SNTG1: variants seen among roughly 807,000 people sequenced by gnomAD.
SNTG1 encodes gamma-1-syntrophin.
SNTG1 carries 39 observed loss-of-function variants against 74.7 expected under a neutral mutation model. That is an observed-to-expected ratio of 0.52 (90% confidence interval 0.40 to 0.68). SNTG1 has a LOEUF of 0.68. SNTG1 is among the 30% of genes least tolerant of loss of function. The pLI, the probability that SNTG1 is intolerant of heterozygous loss-of-function variation, is 0.00. For synonymous variants in SNTG1, 254 were observed against 217.1 expected, an observed-to-expected ratio of 1.17 and a Z score of -1.49; for missense variants, 685 against 609.5, an observed-to-expected ratio of 1.12 and a Z score of -1.30.
chr8:50,656,433 G>A (rs963618423), intron 13 of SNTG1, among the ~76,000 whole-genome samples: 2 of 152,070 alleles, frequency 1.3e-5, no homozygotes, highest in East Asian at 1.9e-4. Context: ...CCCCTATCAG[G>A]CACAGAGGAG....
intron 8 of SNTG1, among the ~76,000 whole-genome samples, chr8:50,492,519 G>C (rs558946316): frequency 4.6e-5 from 7 of 152,106 alleles, no homozygotes; most frequent in African/African-American, 9.7e-5. Flanking sequence ...TCATATGTTT[G>C]TTGGCCACAT....
At chr8:50,729,547 G>C (rs779820819) in intron 17 of SNTG1, among the ~76,000 whole-genome samples, 1 of 152,072 alleles carries the variant, frequency 6.6e-6, no homozygotes, top group African/African-American at 2.4e-5. Context: ...CAGTGATGGG[G>C]GTCTCTTTTG....
intron 1 of SNTG1, among the ~76,000 whole-genome samples, chr8:49,999,461 T>C (rs1176261218): frequency 1.3e-5 from 2 of 152,170 alleles, no homozygotes; most frequent in South Asian, 4.1e-4. Flanking sequence ...GCCACAGTGA[T>C]CTTGTTATAA....
intron 13 of SNTG1, among the ~76,000 whole-genome samples, chr8:50,602,041 A>G (rs1340642637): frequency 6.6e-6 from 1 of 152,040 alleles, no homozygotes; most frequent in African/African-American, 2.4e-5. Flanking sequence ...TAAGCAACAG[A>G]TAATTGAGTC....
intron 13 of SNTG1, among the ~76,000 whole-genome samples, chr8:50,597,332 T>C (rs2094735321): frequency 2.0e-5 from 3 of 146,464 alleles, no homozygotes; most frequent in Admixed American, 1.4e-4. Flanking sequence ...TATATACACA[T>C]ATATATACAT....
chr8:50,154,003 G>T (rs2082165869), intron 1 of SNTG1, among the ~76,000 whole-genome samples: 1 of 152,178 alleles, frequency 6.6e-6, no homozygotes, highest in Non-Finnish European at 1.5e-5. Context: ...CTCCAGAGGT[G>T]GAGTCTACAG....
intron 11 of SNTG1, among the ~76,000 whole-genome samples, chr8:50,552,706 A>G (rs991529205): frequency 2.0e-5 from 3 of 152,326 alleles, no homozygotes; most frequent in South Asian, 2.1e-4. Flanking sequence ...AGCCAAAATA[A>G]TAAGTAAACT....
At chr8:50,765,025 A>G (rs1189511911) in intron 18 of SNTG1, among the ~76,000 whole-genome samples, 3 of 152,016 alleles carry the variant, frequency 2.0e-5, no homozygotes, top group African/African-American at 7.2e-5. Flanking sequence ...ACACAGAAAG[A>G]CAAATGTTCC....
At chr8:50,353,317 A>G (rs760054515) in intron 2 of SNTG1, among the ~76,000 whole-genome samples, 1 of 151,858 alleles carries the variant, frequency 6.6e-6, no homozygotes, top group Non-Finnish European at 1.5e-5. Context: ...TGACGAGTTA[A>G]TGGGTGCAGC....
Position 50,233,200 on chromosome 8 carries a change from G to A in SNTG1, c.-28+60565G>A, listed in dbSNP as rs1258200369. ...GTTATCAAACTGTGTGGTATCAGCAGAGGGATAGATACATAGATCAATGGA... is the reference window on the plus strand; with the variant it reads ...GTTATCAAACTGTGTGGTATCAGCAAAGGGATAGATACATAGATCAATGGA... On this transcript the variant is annotated intron_variant, in intron 2 of 18. Transcript: ENST00000642720. Among the ~76,000 whole-genome samples the A allele has an allele frequency of 4.6e-5, 7 of 151,746 alleles. No individual in the cohort carries two copies. The South Asian group carries it at 6.2e-4, about 13-fold the overall frequency.
chr8:50,126,719 C>G (rs983803440), intron 1 of SNTG1, among the ~76,000 whole-genome samples: 1 of 151,910 alleles, frequency 6.6e-6, no homozygotes, highest in South Asian at 2.1e-4. Context: ...GTGTGTGAGT[C>G]AGCATTACCA....
intron 1 of SNTG1, among the ~76,000 whole-genome samples, chr8:50,033,119 GTT>G (rs369907743): frequency 7.1e-6 from 1 of 141,504 alleles, no homozygotes; most frequent in Non-Finnish European, 1.6e-5. Context: ...AATAAAAAGT[GTT>G]TTTTTTTTTT....
At chr8:50,159,850 T>C (rs1471203026) in intron 1 of SNTG1, among the ~76,000 whole-genome samples, 2 of 152,130 alleles carry the variant, frequency 1.3e-5, no homozygotes, top group African/African-American at 4.8e-5. Flanking sequence ...GAATCACAGT[T>C]CAAAAACCTT....
intron 2 of SNTG1, among the ~76,000 whole-genome samples, chr8:50,314,910 T>C (rs2130775998): frequency 6.7e-6 from 1 of 149,852 alleles, no homozygotes; most frequent in South Asian, 2.2e-4. Context: ...TAGGTGATCA[T>C]TACCTTGAGA....
chr8:50,422,277 A>ATCTATCTATCTATCTATCTG lies in SNTG1; in HGVS notation c.163-16257_163-16256insCTATCTATCTGTCTATCTAT, dbSNP rs759085505. Reference sequence around the variant, plus strand: ...CTATCTATCTATCTATCTACTATCTATCTATCTATGTAGATAGGTAGATCA... The same window carrying ATCTATCTATCTATCTATCTG: ...CTATCTATCTATCTATCTACTATCTATCTATCTATCTATCTATCTGTCTATCTATGTAGATAGGTAGATCA... On this transcript the variant is annotated intron_variant, in intron 4 of 18. Coordinates refer to ENST00000642720, the MANE Select transcript of SNTG1 (RefSeq NM_018967.5). Among the ~76,000 whole-genome samples, 292 of 151,688 alleles carry ATCTATCTATCTATCTATCTG rather than the reference A, an allele frequency of 1.9e-3. 1 individual carries two copies. Among genetic ancestry groups the ATCTATCTATCTATCTATCTG allele is most frequent in the South Asian group, 5.6e-3 (27 of 4,790 alleles).
intron 1 of SNTG1, among the ~76,000 whole-genome samples, chr8:49,965,553 GA>G (rs1157436087): frequency 1.3e-5 from 2 of 152,130 alleles, no homozygotes; most frequent in African/African-American, 4.8e-5. Flanking sequence ...TGGACACCAG[GA>G]CAATAGTCTC....
intron 3 of SNTG1, among the ~76,000 whole-genome samples, chr8:50,398,840 G>A (rs2092763649): frequency 6.6e-6 from 1 of 152,150 alleles, no homozygotes; most frequent in Admixed American, 6.5e-5. Flanking sequence ...TGAGGCAGGA[G>A]AATCGCTCGA....
chr8:50,730,256 G>A (rs999006834), intron 17 of SNTG1, among the ~76,000 whole-genome samples: 1 of 152,106 alleles, frequency 6.6e-6, no homozygotes, highest in Non-Finnish European at 1.5e-5. Context: ...CTGCTAAGTG[G>A]AGGGGGCTAT....
chr8:50,372,762 A>G (rs896572472), intron 2 of SNTG1, among the ~76,000 whole-genome samples: 1 of 152,102 alleles, frequency 6.6e-6, no homozygotes, highest in African/African-American at 2.4e-5. Context: ...GAAACTCAGT[A>G]CGCAGTGCAG....
Sources: gnomAD v4.1 joint callset for allele counts (sites outside exome capture counted in the v4.1 genomes callset) on GRCh38, gnomAD v4.1.1 for gene constraint, MANE v1.5 for transcripts, NCBI Gene and HGNC (gene_info 2026-07-23, HGNC 2026-07-21) for gene names.